The following ZNF229 variants were observed in gnomAD, a reference collection of about 807,000 sequenced individuals.
The protein encoded by ZNF229 is zinc finger protein 229.
Under a neutral mutation model 11.8 loss-of-function variants are expected in ZNF229, and 10 were observed. That is an observed-to-expected ratio of 0.85 (90% CI 0.52 to 1.44). The LOEUF is 1.44. ZNF229 is among the 40% of genes most tolerant of loss of function. The pLI is 0.00. For missense variants in ZNF229, 1,045 were observed against 1,015.1 expected, an observed-to-expected ratio of 1.03 and a Z score of -0.40; for synonymous variants, 368 against 374.8, an observed-to-expected ratio of 0.98 and a Z score of 0.21.
Position 44,442,913 on chromosome 19 carries a change from G to A in ZNF229, c.-66C>T. The A allele has an allele frequency of 6.3e-7, 1 of 1,584,142 alleles. No homozygotes were observed. The highest frequency in any genetic ancestry group is 8.7e-7 in the Non-Finnish European group (1 of 1,153,218). On this transcript the variant is annotated 5_prime_UTR_variant, in exon 3 of 6. Coordinates refer to ENST00000614049, the MANE Select transcript of ZNF229 (RefSeq NM_014518.4). ...ATTTATTCTCTGGTTTTCCTAAGCT[G>A]GAGACGCAGAAGATCCAGGCCTTTT...
rs1971697279 is a variant in ZNF229, at chr19:44,430,336, G to A, written c.445C>T (p.Pro149Ser). ...PHQGWEGAST[P>S]CFPIENFLDS... is the part of the protein sequence containing the mutation. The stretch of plus-strand genomic sequence containing the variant: ...AGGAAATTCTCAATTGGAAAACACG[G>A]CGTAGATGCTCCTTCCCACCCTTGA... Residue 149 changes from proline to serine, a missense_variant, in exon 6 of 6, where the codon CCG (proline) becomes TCG (serine). Physicochemically the swap from Pro to Ser is moderately conservative, Grantham distance 74. Coordinates refer to ENST00000614049, the MANE Select transcript of ZNF229 (RefSeq NM_014518.4). The A allele has an allele frequency of 3.1e-6, 5 of 1,614,080 alleles. No individual in the cohort carries two copies. Among genetic ancestry groups the A allele is most frequent in the Non-Finnish European group, 4.2e-6 (5 of 1,180,016 alleles).
rs1473506588 is a variant in ZNF229 at position 44,447,497 on chromosome 19, AC to A, written c.-178+15del. 1.3e-5 allele frequency: 2 copies of A among 152,210 alleles called. No individual in the cohort carries two copies. Among genetic ancestry groups the A allele is most frequent in the African/African-American group, 4.8e-5 (2 of 41,462 alleles). The allele number at this position is 152,210 out of a possible 1,614,324, so 9.4% of individuals were successfully genotyped here. A position where few individuals can be genotyped will look rare whatever the true frequency, so the allele number is the denominator to read the frequency against. ...AGACCTGGCATTGCCACAAAAGAGA[AC>A]CAAAGTTCACTCACCTGGAGCTCTA... On this transcript the variant is annotated intron_variant, in intron 2 of 5. Transcript: ENST00000614049.
chr19:44,436,698 G>A (rs538423430), intron 4 of ZNF229, among the ~76,000 whole-genome samples: 1 of 151,990 alleles, frequency 6.6e-6, no homozygotes, highest in Admixed American at 6.6e-5. Flanking sequence ...GAGCCTGGGG[G>A]GTCAATGCTG....
chr19:44,443,147 T>C, intron 2 of ZNF229, 123 bp from the exon 3 acceptor site: 2 of 437,150 alleles, frequency 4.6e-6, no homozygotes, highest in South Asian at 3.2e-5. Flanking sequence ...TTGTTAGGTT[T>C]AGTCCCCTAC....
At chr19:44,447,794 T>C (rs1330692580) in intron 1 of ZNF229, among the ~76,000 whole-genome samples, 194 bp from the exon 2 acceptor site, 1 of 152,150 alleles carries the variant, frequency 6.6e-6, no homozygotes, top group Non-Finnish European at 1.5e-5. Context: ...ACGCCATTCC[T>C]GATGCCCAAA....
intron 4 of ZNF229, among the ~76,000 whole-genome samples, chr19:44,436,961 AAT>A (rs1024604859): frequency 3.3e-5 from 5 of 151,604 alleles, no homozygotes; most frequent in African/African-American, 7.3e-5. Context: ...TACAAACATA[AAT>A]ATATATATAT....
At chr19:44,434,012 C>A (rs1971770500) in intron 4 of ZNF229, among the ~76,000 whole-genome samples, 1 of 152,158 alleles carries the variant, frequency 6.6e-6, no homozygotes, top group African/African-American at 2.4e-5. Flanking sequence ...CGTGATCTGC[C>A]TGGGTATTTC....
chr19:44,433,793 G>A (rs1288157600), intron 4 of ZNF229, among the ~76,000 whole-genome samples: 3 of 152,108 alleles, frequency 2.0e-5, no homozygotes, highest in African/African-American at 7.3e-5. Context: ...TTGAGACAGA[G>A]TCTTGCTCTG....
chr19:44,442,797 CCTCT>C lies in ZNF229; in HGVS notation c.34+13_34+16del. 2 of 1,581,644 alleles carry C rather than the reference CCTCT, an allele frequency of 1.3e-6. No individual in the cohort carries two copies. The highest frequency in any genetic ancestry group is 1.7e-6 in the Non-Finnish European group (2 of 1,150,696). Reference sequence around the variant, plus strand: ...GTTTGGATTCTCCCCCCACCCACCCCCTCTATTAGCTGTCACCTCTTTTCTCATG... The same window carrying C: ...GTTTGGATTCTCCCCCCACCCACCCCATTAGCTGTCACCTCTTTTCTCATG... On this transcript the variant is annotated intron_variant, in intron 3 of 5. Transcript: ENST00000614049.
intron 4 of ZNF229, among the ~76,000 whole-genome samples, chr19:44,442,321 A>G (rs751231526): frequency 2.6e-5 from 4 of 152,156 alleles, no homozygotes; most frequent in Non-Finnish European, 4.4e-5. Context: ...GGCATAGCGG[A>G]AAGGTAGATT....
chr19:44,429,218 CACGTT>C lies in ZNF229; in HGVS notation c.1558_1562del (p.Asn520ValfsTer3). 1.2e-6 allele frequency: 2 copies of C among 1,614,044 alleles called. No individual in the cohort carries two copies. Among genetic ancestry groups the C allele is most frequent in the Non-Finnish European group, 1.7e-6 (2 of 1,180,032 alleles). On this transcript the variant is annotated frameshift_variant, in exon 6 of 6. Transcript: ENST00000614049. LOFTEE classifies it low-confidence loss of function (END_TRUNC). Reference sequence around the variant, plus strand: ...AGCTGTAACTGAAACTCTTACCACACACGTTACATTTGTACAGATGCTGCCCCATG... The same window carrying C: ...AGCTGTAACTGAAACTCTTACCACACACATTTGTACAGATGCTGCCCCATG...
intron 5 of ZNF229, 89 bp from the exon 6 acceptor site, chr19:44,430,631 T>C: frequency 1.6e-6 from 2 of 1,256,342 alleles, no homozygotes; most frequent in Non-Finnish European, 2.2e-6. Flanking sequence ...AATAATAGCC[T>C]AGAGAAAAAT....
chr19:44,435,207 A>G (rs1971792195), intron 4 of ZNF229, among the ~76,000 whole-genome samples: 1 of 152,208 alleles, frequency 6.6e-6, no homozygotes, highest in Non-Finnish European at 1.5e-5. Flanking sequence ...TACCTATAAA[A>G]TAATGTTAGG....
rs748511819 is a variant in ZNF229 at position 44,432,239 on chromosome 19, C to G, written c.221G>C (p.Gly74Ala). The change falls in exon 5 of 6, where the codon GGT (glycine) becomes GCT (alanine). Residue 74 changes from glycine to alanine, a missense_variant. Transcript: ENST00000614049. ...CCAATTACCCAGAGGATTCCTCTCA[C>G]CCACTGAGAGTAGGTTCCTGAAATT... ...QENFRNLLSV[G>A]ERNPLGDKNG... 1.9e-6 allele frequency: 3 copies of G among 1,613,296 alleles called. No homozygotes were observed. The highest frequency in any genetic ancestry group is 2.5e-6 in the Non-Finnish European group (3 of 1,179,822).
chr19:44,443,633 A>AGTAT (rs1971954215), intron 2 of ZNF229, among the ~76,000 whole-genome samples: 1 of 152,338 alleles, frequency 6.6e-6, no homozygotes, highest in Non-Finnish European at 1.5e-5. Context: ...CTTTATTAAT[A>AGTAT]CATTCAATAT....
chr19:44,440,023 C>G (rs1400774481), intron 4 of ZNF229, among the ~76,000 whole-genome samples: 2 of 152,088 alleles, frequency 1.3e-5, no homozygotes, highest in Non-Finnish European at 2.9e-5. Flanking sequence ...CCATGGGAGT[C>G]CCACAGAGTC....
chr19:44,441,881 T>A (rs1365049755), intron 4 of ZNF229, among the ~76,000 whole-genome samples: 1 of 152,202 alleles, frequency 6.6e-6, no homozygotes, highest in Non-Finnish European at 1.5e-5. Context: ...TTTCTCCATA[T>A]CCCAGCTAAC....
In ZNF229 at chr19:44,428,711, G is replaced by C; in HGVS notation, c.2070C>G (p.Gly690=). 7.4e-6 allele frequency: 12 copies of C among 1,612,150 alleles called. No homozygotes were observed. The highest frequency in any genetic ancestry group is 8.5e-6 in the Non-Finnish European group (10 of 1,179,494). ...GATTAGAGCCATAACTGAATCCCTT[G>C]CCACACTGATCACACGTATAGGGCT... is the stretch of plus-strand genomic sequence containing the variant. ...GKKPYTCDQC[G]KGFSYGSNLR... Residue 690 remains glycine (G), a synonymous_variant, in exon 6 of 6, where the codon GGC becomes GGG. Coordinates refer to ENST00000614049, the MANE Select transcript of ZNF229 (RefSeq NM_014518.4).
At position 44,427,056 on chromosome 19, in the gene ZNF229, A is replaced by C. The variant is rs1971586451; in HGVS notation, c.*1247T>G. 6.6e-6 allele frequency: 1 copy of C among 152,148 alleles called. No individual in the cohort carries two copies. Among genetic ancestry groups the C allele is most frequent in the African/African-American group, 2.4e-5 (1 of 41,388 alleles). 9.4% of individuals were successfully genotyped at this position (152,148 alleles called of 1,614,324 possible). On this transcript the variant is annotated 3_prime_UTR_variant, in exon 6 of 6. Transcript: ENST00000614049. ...GGGGACAGGAGAGAGACAGCGAGGA[A>C]GGGCTACACCTTAAAACCATCAGCT...
Sources: allele counts gnomAD v4.1 joint callset (sites outside exome capture counted in the v4.1 genomes callset), GRCh38; gene constraint gnomAD v4.1.1; transcripts MANE v1.5; gene names NCBI Gene and HGNC (gene_info 2026-07-23, HGNC 2026-07-21).